The following IMMP2L variants were observed in gnomAD, a reference collection of about 807,000 sequenced individuals.
IMMP2L encodes mitochondrial inner membrane protease subunit 2.
IMMP2L carries 18 observed loss-of-function variants against 19.3 expected under a neutral mutation model. The ratio of observed to expected loss-of-function variants is 0.93; its 90% confidence interval spans 0.64 to 1.38. The LOEUF (loss-of-function observed/expected upper bound fraction) is 1.38, where lower values mean the gene tolerates loss of function less well. IMMP2L is among the 40% of genes most tolerant of loss of function. The probability of loss-of-function intolerance (pLI) is 0.00; values close to 1 mark genes in which losing one functional copy is unlikely to be tolerated. For synonymous variants in IMMP2L, 76 were observed against 73.0 expected, an observed-to-expected ratio of 1.04 and a Z score of -0.21; for missense variants, 233 against 218.2, an observed-to-expected ratio of 1.07 and a Z score of -0.43.
At chr7:111,242,397 T>C (rs973366268) in intron 3 of IMMP2L, among the ~76,000 whole-genome samples, 3 of 152,096 alleles carry the variant, frequency 2.0e-5, no homozygotes, top group Non-Finnish European at 4.4e-5. Context: ...AACTAAACAA[T>C]AAATGAATCT....
chr7:110,826,285 C>T (rs1393230823), intron 5 of IMMP2L, among the ~76,000 whole-genome samples: 7 of 152,170 alleles, frequency 4.6e-5, no homozygotes, highest in African/African-American at 1.7e-4. Flanking sequence ...GTGGCGATTC[C>T]TCGGGGATCT....
At chr7:111,182,916 A>G (rs1308868252) in intron 3 of IMMP2L, among the ~76,000 whole-genome samples, 1 of 152,076 alleles carries the variant, frequency 6.6e-6, no homozygotes, top group East Asian at 1.9e-4. Flanking sequence ...AATTTGTACT[A>G]TCATTGGAAT....
At chr7:110,784,486 C>A (rs1270723981) in intron 5 of IMMP2L, among the ~76,000 whole-genome samples, 1 of 151,938 alleles carries the variant, frequency 6.6e-6, no homozygotes, top group Non-Finnish European at 1.5e-5. Flanking sequence ...GGGCTACTGC[C>A]CAAGCCACTA....
chr7:111,165,111 A>G (rs958486638), intron 3 of IMMP2L, among the ~76,000 whole-genome samples: 2 of 151,938 alleles, frequency 1.3e-5, no homozygotes, highest in Admixed American at 6.6e-5. Context: ...GGCAACCTCC[A>G]TTCTTTCTGT....
At chr7:111,355,930 T>C (rs984426211) in intron 3 of IMMP2L, among the ~76,000 whole-genome samples, 2 of 152,140 alleles carry the variant, frequency 1.3e-5, no homozygotes, top group African/African-American at 4.8e-5. Context: ...ACTTAATGAT[T>C]CTTAAAATAT....
chr7:111,228,310 G>C (rs1050832545), intron 3 of IMMP2L, among the ~76,000 whole-genome samples: 2 of 151,784 alleles, frequency 1.3e-5, no homozygotes, highest in African/African-American at 4.8e-5. Context: ...CATGTGTCTG[G>C]CTCAAGTACT....
chr7:111,423,108 G>A (rs1428310815), intron 3 of IMMP2L, among the ~76,000 whole-genome samples: 1 of 151,794 alleles, frequency 6.6e-6, no homozygotes, highest in Admixed American at 6.6e-5. Context: ...TGTGCTGCTG[G>A]ATTTGGTTTG....
At chr7:110,799,998 T>G (rs896292425) in intron 5 of IMMP2L, among the ~76,000 whole-genome samples, 7 of 152,102 alleles carry the variant, frequency 4.6e-5, no homozygotes, top group Admixed American at 3.9e-4. Context: ...TAACACAAAA[T>G]TGACCTTAAA....
chr7:110,826,032 T>G (rs943274375), intron 5 of IMMP2L, among the ~76,000 whole-genome samples: 1 of 152,164 alleles, frequency 6.6e-6, no homozygotes, highest in African/African-American at 2.4e-5. Flanking sequence ...GCGAAGGATA[T>G]GAACACACAC....
intron 3 of IMMP2L, among the ~76,000 whole-genome samples, chr7:111,417,604 T>C (rs186386859): frequency 6.6e-6 from 1 of 151,856 alleles, no homozygotes; most frequent in East Asian, 1.9e-4. Context: ...CACGAATGTG[T>C]CCCATGGCAA....
At chr7:111,513,694 A>C (rs1845645333) in intron 2 of IMMP2L, among the ~76,000 whole-genome samples, 1 of 152,104 alleles carries the variant, frequency 6.6e-6, no homozygotes, top group African/African-American at 2.4e-5. Context: ...CAAGATATGG[A>C]AGTAACCTAA....
At chr7:110,796,883 T>C (rs1291439788) in intron 5 of IMMP2L, among the ~76,000 whole-genome samples, 1 of 152,066 alleles carries the variant, frequency 6.6e-6, no homozygotes, top group Non-Finnish European at 1.5e-5. Flanking sequence ...AAAGTATAGC[T>C]AAATGCCTTT....
intron 3 of IMMP2L, among the ~76,000 whole-genome samples, chr7:111,203,465 A>G (rs1189654671): frequency 1.3e-5 from 2 of 152,264 alleles, no homozygotes; most frequent in Non-Finnish European, 2.9e-5. Context: ...GTTACTTTAA[A>G]TAAGGCAGTC....
intron 3 of IMMP2L, among the ~76,000 whole-genome samples, chr7:111,439,051 C>T (rs772119689): frequency 1.3e-4 from 19 of 151,804 alleles, no homozygotes; most frequent in Non-Finnish European, 2.2e-4. Flanking sequence ...AGCCGGGGTC[C>T]AGCAGTTAGA....
At chr7:111,082,027 G>C (rs1795927984) in intron 3 of IMMP2L, among the ~76,000 whole-genome samples, 1 of 152,180 alleles carries the variant, frequency 6.6e-6, no homozygotes, top group South Asian at 2.1e-4. Flanking sequence ...CTCCAAATCT[G>C]AGTTGGATGC....
At chr7:110,691,182 G>A (rs1397087707) in intron 5 of IMMP2L, among the ~76,000 whole-genome samples, 1 of 151,982 alleles carries the variant, frequency 6.6e-6, no homozygotes, top group Non-Finnish European at 1.5e-5. Flanking sequence ...CCATCAAACT[G>A]GTCCTTGACA....
intron 2 of IMMP2L, among the ~76,000 whole-genome samples, chr7:111,497,147 G>T (rs1349284819): frequency 6.6e-6 from 1 of 152,040 alleles, no homozygotes; most frequent in Non-Finnish European, 1.5e-5. Flanking sequence ...CCCCATCAAA[G>T]TGTCACAGGC....
chr7:111,051,677 C>T (rs1793021385), intron 3 of IMMP2L, among the ~76,000 whole-genome samples: 2 of 152,162 alleles, frequency 1.3e-5, no homozygotes, highest in South Asian at 4.1e-4. Context: ...TGGATTCATT[C>T]TAATTGTGGC....
At chr7:110,908,687 C>A (rs2129548106) in intron 4 of IMMP2L, among the ~76,000 whole-genome samples, 1 of 152,282 alleles carries the variant, frequency 6.6e-6, no homozygotes, top group East Asian at 1.9e-4. Context: ...TGCTTAGAAG[C>A]CCTTTCAGAT....
Sources: gnomAD v4.1 joint callset for allele counts (sites outside exome capture counted in the v4.1 genomes callset) on GRCh38, gnomAD v4.1.1 for gene constraint, MANE v1.5 for transcripts, NCBI Gene and HGNC (gene_info 2026-07-23, HGNC 2026-07-21) for gene names.